The following HBD variants were observed in gnomAD, a reference collection of about 807,000 sequenced individuals.
HBD encodes the protein delta globin.
In HBD, 11 loss-of-function variants were observed where a neutral mutation model predicts 9.2. That is an observed-to-expected ratio of 1.20 (90% CI 0.76 to 1.99). HBD has a LOEUF of 1.99. Ranked by LOEUF, HBD falls within the 30% of genes most tolerant of loss-of-function variation. The pLI, the probability that HBD is intolerant of heterozygous loss-of-function variation, is 0.00. For missense variants in HBD, 189 were observed against 174.3 expected (o/e 1.08, Z -0.47); for synonymous variants, 83 against 69.4 (o/e 1.20, Z -0.98).
chr11:5,234,454 A>G lies in HBD; in HGVS notation c.-21T>C, dbSNP rs1847716342. On this transcript the variant is annotated 5_prime_UTR_variant, in exon 1 of 3. Coordinates refer to ENST00000650601, the MANE Select transcript of HBD (RefSeq NM_000519.4). ...ACCATGGTGTCTGTTTGAGGTTGCT[A>G]GTGAACACTGTTATGTCAGAAGAAA... 6.5e-7 allele frequency: 1 copy of G among 1,550,166 alleles called. No individual in the cohort carries two copies. Among genetic ancestry groups the G allele is most frequent in the Non-Finnish European group, 8.9e-7 (1 of 1,121,694 alleles).
chr11:5,233,918 G>T, intron 2 of HBD, 73 bp downstream of exon 2: 1 of 1,216,350 alleles, frequency 8.2e-7, no homozygotes, highest in Non-Finnish European at 1.2e-6. Flanking sequence ...TGGGAGAAGA[G>T]CAGGTAGGTA....
In HBD at chr11:5,233,049, C is replaced by T. The variant is rs200447178; in HGVS notation, c.359G>A (p.Gly120Asp). 83 of 1,613,880 alleles carry T rather than the reference C, an allele frequency of 5.1e-5. No individual in the cohort carries two copies. Among genetic ancestry groups the T allele is most frequent in the Non-Finnish European group, 6.8e-5 (80 of 1,179,952 alleles). The change falls in exon 3 of 3, where the codon GGC (glycine) becomes GAC (aspartate). Residue 120 changes from glycine (G) to aspartate (D), a missense_variant. Transcript: ENST00000650601. ...VLVCVLARNF[G>D]KEFTPQMQAA... The stretch of plus-strand genomic sequence containing the variant: ...CTGCATTTGTGGGGTGAATTCCTTG[C>T]CAAAGTTGCGGGCCAGCACACACAC...
chr11:5,234,151 G>A lies in HBD; in HGVS notation c.155C>T (p.Pro52Leu). Residue 52 changes from proline to leucine, a missense_variant, in exon 2 of 3, where the codon CCT (proline) becomes CTT (leucine). Transcript: ENST00000650601. ...FFESFGDLSS[P>L]DAVMGNPKVK... is the part of the protein sequence containing the mutation. The stretch of plus-strand genomic sequence containing the variant: ...CTTAGGGTTGCCCATAACAGCATCA[G>A]GAGAGGACAGATCCCCAAAGGACTC... The A allele has an allele frequency of 6.2e-7, 1 of 1,614,026 alleles. No homozygotes were observed. The highest frequency in any genetic ancestry group is 8.5e-7 in the Non-Finnish European group (1 of 1,179,970).
In HBD at chr11:5,234,241, C is replaced by G. The variant is rs765120810; in HGVS notation, c.93-28G>C. 33 of 1,606,560 alleles carry G rather than the reference C, an allele frequency of 2.1e-5. No individual in the cohort carries two copies. The highest frequency in any genetic ancestry group is 2.6e-5 in the Non-Finnish European group (31 of 1,173,304). On this transcript the variant is annotated intron_variant, in intron 1 of 2. Transcript: ENST00000650601. ...GAGGGTAGGAAAACAGCCCAAGGGA[C>G]AGAGAGTCAGTGCCTATCAGAAACC...
Position 5,232,965 on chromosome 11 carries a change from C to A in HBD, c.443G>T (p.Ter148LeuextTer16). The part of the protein sequence containing the change: ...VANALAHKYH[*>L] ...GTTATCAGGAAACAGTCCAGGATCT[C>A]AATGGTACTTGTGAGCCAGGGCATT... Residue 148 changes from the stop codon to leucine (L), a stop_lost, in exon 3 of 3, where the codon TGA becomes TTA. Coordinates refer to ENST00000650601, the MANE Select transcript of HBD (RefSeq NM_000519.4). 1 of 1,614,086 alleles carries A rather than the reference C, an allele frequency of 6.2e-7. No individual in the cohort carries two copies. Among genetic ancestry groups the A allele is most frequent in the Non-Finnish European group, 8.5e-7 (1 of 1,179,978 alleles).
intron 2 of HBD, 54 bp downstream of exon 2, chr11:5,233,937 A>C (rs1474553005): frequency 3.2e-6 from 5 of 1,549,768 alleles, no homozygotes; most frequent in Non-Finnish European, 4.5e-6. Context: ...TAAAAGAACC[A>C]AAATGTAAGA....
Position 5,234,184 on chromosome 11 carries a change from C to A in HBD, c.122G>T (p.Arg41Met), listed in dbSNP as rs1240307704. The change falls in exon 2 of 3, where the codon AGG (arginine) becomes ATG (methionine). Residue 41 changes from arginine to methionine, a missense_variant. Transcript: ENST00000650601. ...RLLVVYPWTQ[R>M]FFESFGDLSS... ...CAGATCCCCAAAGGACTCAAAGAAC[C>A]TCTGGGTCCAAGGGTAGACCACCAG... The A allele has an allele frequency of 5.0e-6, 8 of 1,614,120 alleles. No individual in the cohort carries two copies. Among genetic ancestry groups the A allele is most frequent in the South Asian group, 1.1e-5 (1 of 91,088 alleles).
intron 2 of HBD, 113 bp from the exon 3 acceptor site, chr11:5,233,205 T>A: frequency 2.0e-6 from 2 of 1,016,858 alleles, no homozygotes; most frequent in Non-Finnish European, 3.0e-6. Context: ...TAGACAAAAC[T>A]GATCCCCAGG....
Position 5,234,039 on chromosome 11 carries a change from C to T in HBD, c.267G>A (p.Leu89=), listed in dbSNP as rs1277748248. 4 of 1,614,116 alleles carry T rather than the reference C, an allele frequency of 2.5e-6. No homozygotes were observed. In the East Asian group the frequency reaches 8.9e-5, roughly 36 times the overall value. The change falls in exon 2 of 3, where the codon CTG becomes CTA. Residue 89 remains leucine, a synonymous_variant. Transcript: ENST00000650601. ...LDNLKGTFSQ[L]SELHCDKLHV... ...GCAGCTTGTCACAGTGCAGCTCACT[C>T]AGCTGAGAAAAAGTGCCCTTGAGGT... is the stretch of plus-strand genomic sequence containing the variant.
rs1217778406 is a variant in HBD at position 5,234,121 on chromosome 11, T to G, written c.185A>C (p.Lys62Thr). 3.1e-6 allele frequency: 5 copies of G among 1,613,930 alleles called. No homozygotes were observed. Among genetic ancestry groups the G allele is most frequent in the Admixed American group, 3.3e-5 (2 of 59,992 alleles). The change falls in exon 2 of 3, where the codon AAG becomes ACG. Residue 62 changes from lysine to threonine, a missense_variant. Transcript: ENST00000650601. ...ACCTAGCACCTTCTTGCCATGAGCC[T>G]TCACCTTAGGGTTGCCCATAACAGC... The part of the protein sequence containing the change: ...PDAVMGNPKV[K>T]AHGKKVLGAF...
chr11:5,233,990 C>T lies in HBD; in HGVS notation c.315+1G>A, dbSNP rs281864492. On this transcript the variant is annotated splice_donor_variant, in intron 2 of 2. Coordinates refer to ENST00000650601, the MANE Select transcript of HBD (RefSeq NM_000519.4). LOFTEE classifies it high-confidence loss of function. ...AAAAGTGAAGCATCTCCTGGACTCACCCTGAAGTTCTCAGGATCCACGTGC... is the reference window on the plus strand; with the variant it reads ...AAAAGTGAAGCATCTCCTGGACTCATCCTGAAGTTCTCAGGATCCACGTGC... The T allele has an allele frequency of 9.9e-6, 16 of 1,613,308 alleles. No individual in the cohort carries two copies. In the African/African-American group the frequency reaches 1.9e-4, roughly 19 times the overall value.
In HBD at chr11:5,234,340, A is replaced by C; in HGVS notation, c.92+2T>G. 1.2e-6 allele frequency: 2 copies of C among 1,613,262 alleles called. No individual in the cohort carries two copies. The highest frequency in any genetic ancestry group is 8.5e-7 in the Non-Finnish European group (1 of 1,179,302). ...AGCCTCTCTTATAACCTTGATACCA[A>C]CCTGCCCAGGGCCTCACCACCAACT... is the stretch of plus-strand genomic sequence containing the variant. On this transcript the variant is annotated splice_donor_variant, in intron 1 of 2. Coordinates refer to ENST00000650601, the MANE Select transcript of HBD (RefSeq NM_000519.4). LOFTEE classifies it high-confidence loss of function.
Position 5,234,467 on chromosome 11 carries a change from A to C in HBD, c.-34T>G, listed in dbSNP as rs376434461. On this transcript the variant is annotated 5_prime_UTR_variant, in exon 1 of 3. Transcript: ENST00000650601. The stretch of plus-strand genomic sequence containing the variant: ...TTTGAGGTTGCTAGTGAACACTGTT[A>C]TGTCAGAAGAAAGTGTAAGCAACAG... The C allele has an allele frequency of 6.8e-7, 1 of 1,478,776 alleles. No individual in the cohort carries two copies. Among genetic ancestry groups the C allele is most frequent in the Non-Finnish European group, 9.5e-7 (1 of 1,056,710 alleles). The allele number at this position is 1,478,776 out of a possible 1,614,324, so 91.6% of individuals were successfully genotyped here.
chr11:5,232,975 T>A lies in HBD; in HGVS notation c.433A>T (p.Lys145Ter). ...VAGVANALAHKYH is the reference protein window; with the variant it reads ...VAGVANALAH ...AACAGTCCAGGATCTCAATGGTACT[T>A]GTGAGCCAGGGCATTAGCCACACCA... Residue 145 changes from lysine to a stop codon, truncating the protein, a stop_gained, in exon 3 of 3, where the codon AAG (lysine) becomes TAG (stop). Transcript: ENST00000650601. LOFTEE classifies it high-confidence loss of function. The A allele has an allele frequency of 5.0e-6, 8 of 1,614,094 alleles. No homozygotes were observed. Among genetic ancestry groups the A allele is most frequent in the Non-Finnish European group, 6.8e-6 (8 of 1,179,952 alleles).
chr11:5,233,209 C>T lies in HBD; in HGVS notation c.316-117G>A, dbSNP rs1399980772. 3 of 964,546 alleles carry T rather than the reference C, an allele frequency of 3.1e-6. No homozygotes were observed. In the African/African-American group the frequency reaches 4.8e-5, roughly 16 times the overall value. The allele number at this position is 964,546 out of a possible 1,614,324, so 59.7% of individuals were successfully genotyped here. A position where few individuals can be genotyped will look rare whatever the true frequency, so the allele number is the denominator to read the frequency against. On this transcript the variant is annotated intron_variant, in intron 2 of 2. Transcript: ENST00000650601. ...TGCCCAAATCTTAGACAAAACTGAT[C>T]CCCAGGTTATTCCCATCAGCATAAA...
At position 5,234,159 on chromosome 11, in the gene HBD, C is replaced by T. The variant is rs905938293; in HGVS notation, c.147G>A (p.Leu49=). 2 of 1,613,958 alleles carry T rather than the reference C, an allele frequency of 1.2e-6. No individual in the cohort carries two copies. The highest frequency in any genetic ancestry group is 1.7e-6 in the Non-Finnish European group (2 of 1,179,982). ...TQRFFESFGD[L]SSPDAVMGNP... ...TGCCCATAACAGCATCAGGAGAGGA[C>T]AGATCCCCAAAGGACTCAAAGAACC... The change falls in exon 2 of 3, where the codon CTG becomes CTA. Residue 49 remains leucine (L), a synonymous_variant. Coordinates refer to ENST00000650601, the MANE Select transcript of HBD (RefSeq NM_000519.4).
chr11:5,233,774 G>A (rs930232007), intron 2 of HBD, among the ~76,000 whole-genome samples: 1 of 151,988 alleles, frequency 6.6e-6, no homozygotes, highest in Non-Finnish European at 1.5e-5. Flanking sequence ...AGGGGGTTGG[G>A]AGAGAAAGAC....
chr11:5,233,745 G>A (rs971730005), intron 2 of HBD, among the ~76,000 whole-genome samples: 11 of 152,008 alleles, frequency 7.2e-5, no homozygotes, highest in African/African-American at 2.4e-4. Context: ...GTTGTTGTTA[G>A]AGAAGGAAAA....
rs1847690817 is a variant in HBD, at chr11:5,233,067, A to G, written c.341T>C (p.Val114Ala). 6.2e-7 allele frequency: 1 copy of G among 1,613,914 alleles called. No homozygotes were observed. The change falls in exon 3 of 3, where the codon GTG becomes GCG. Residue 114 changes from valine (V) to alanine (A), a missense_variant. By Grantham distance (64) the Val-to-Ala change is moderately conservative (BLOSUM62 0). Coordinates refer to ENST00000650601, the MANE Select transcript of HBD (RefSeq NM_000519.4). The stretch of plus-strand genomic sequence containing the variant: ...TTCCTTGCCAAAGTTGCGGGCCAGC[A>G]CACACACCAGCACATTGCCCAAGAG... The part of the protein sequence containing the change: ...FRLLGNVLVC[V>A]LARNFGKEFT...
Sources: allele counts gnomAD v4.1 joint callset (sites outside exome capture counted in the v4.1 genomes callset), GRCh38; gene constraint gnomAD v4.1.1; transcripts MANE v1.5; gene names NCBI Gene and HGNC (gene_info 2026-07-23, HGNC 2026-07-21).